GPHN: variants seen among roughly 807,000 people sequenced by gnomAD.
GPHN encodes gephyrin.
GPHN carries 17 observed loss-of-function variants against 95.5 expected under a neutral mutation model. The observed-to-expected ratio is 0.18, with a 90% CI of 0.12 to 0.27. The LOEUF is 0.27. Among genes scored for constraint, GPHN ranks in the 10% least tolerant of loss-of-function variants. The pLI is 1.00. For missense variants in GPHN, 660 were observed against 978.1 expected (o/e 0.67, Z 4.34); for synonymous variants, 320 against 322.5 (o/e 0.99, Z 0.08).
chr14:66,791,277 T>A (rs1566948750), intron 3 of GPHN, among the ~76,000 whole-genome samples: 1 of 152,216 alleles, frequency 6.6e-6, no homozygotes, highest in Non-Finnish European at 1.5e-5. Context: ...ATTGTCCCTT[T>A]GGGGGTTATC....
At chr14:67,444,947 ATGGGGATTCCACCATGT>A in the GPHN span, among the ~76,000 whole-genome samples, 1 of 152,062 alleles carries the variant, frequency 6.6e-6, no homozygotes, top group South Asian at 2.1e-4. Flanking sequence ...TTTAGTAGAG[ATGGGGATTCCACCATGT>A]TGGCCAAGTT....
At chr14:67,312,545 T>G in the GPHN span, 3 of 1,586,186 alleles carry the variant, frequency 1.9e-6, no homozygotes, top group Admixed American at 5.2e-5. Context: ...AAAAGCTCAT[T>G]TTGACTATGA....
chr14:67,637,313 A>C, the GPHN span, among the ~76,000 whole-genome samples: 1 of 148,394 alleles, frequency 6.7e-6, no homozygotes, highest in Non-Finnish European at 1.5e-5. Context: ...GGGGAGGCTG[A>C]GGCAGCAGAG....
chr14:67,600,026 C>G, the GPHN span: 1 of 1,561,760 alleles, frequency 6.4e-7, no homozygotes. Flanking sequence ...GCCATTACCT[C>G]GCAGAGGGTG....
chr14:67,124,903 A>C (rs765587208), intron 17 of GPHN, among the ~76,000 whole-genome samples: 1 of 152,140 alleles, frequency 6.6e-6, no homozygotes, highest in South Asian at 2.1e-4. Flanking sequence ...TGAAAGGCCA[A>C]CATGTTGGTA....
the GPHN span, among the ~76,000 whole-genome samples, chr14:67,462,994 G>C: frequency 6.6e-6 from 1 of 152,316 alleles, no homozygotes; most frequent in Non-Finnish European, 1.5e-5. Flanking sequence ...TGATTTGCCT[G>C]GTTTTGCCAG....
chr14:66,962,368 G>T (rs1319163122), intron 8 of GPHN, among the ~76,000 whole-genome samples: 2 of 149,558 alleles, frequency 1.3e-5, no homozygotes, highest in African/African-American at 2.5e-5. Context: ...GCAAAGATTT[G>T]TTCTAGACTA....
At chr14:66,746,806 A>G (rs1404231933) in intron 2 of GPHN, among the ~76,000 whole-genome samples, 1 of 152,166 alleles carries the variant, frequency 6.6e-6, no homozygotes, top group East Asian at 1.9e-4. Context: ...AAAAAATTCT[A>G]CAGGGTTTGG....
rs985312605 is a variant in GPHN at position 66,696,044 on chromosome 14, G to A, written c.143+14859G>A. On this transcript the variant is annotated intron_variant, in intron 2 of 22. Transcript: ENST00000478722. ...ATGTGTCAGTGGAGGTTTATCAGTG[G>A]TAATAAATGTGCCACTTCGTTGGGG... is the stretch of plus-strand genomic sequence containing the variant. Among the ~76,000 whole-genome samples the A allele has an allele frequency of 3.3e-5, 5 of 152,176 alleles. No homozygotes were observed. The South Asian group carries it at 1.0e-3, about 32-fold the overall frequency.
chr14:66,820,619 A>G (rs1404146058), intron 3 of GPHN, among the ~76,000 whole-genome samples: 1 of 151,954 alleles, frequency 6.6e-6, no homozygotes, highest in Non-Finnish European at 1.5e-5. Context: ...TTTAGTTTGC[A>G]TCTCTGTAGA....
rs147991642 is a variant in GPHN at position 66,794,187 on chromosome 14, A to G, written c.201+17666A>G. On this transcript the variant is annotated intron_variant, in intron 3 of 22. Coordinates refer to ENST00000478722, the MANE Select transcript of GPHN (RefSeq NM_020806.5). ...GGGCCTGGTGGGAGGTGACTGGATC[A>G]TGAGGGCAGCTTCTCATGAATGGTT... 8.9e-3 allele frequency among the ~76,000 whole-genome samples: 1,355 copies of G among 152,274 alleles called. 13 individuals are homozygous for G. Among genetic ancestry groups the G allele is most frequent in the Non-Finnish European group, 0.015 (1,041 of 68,026 alleles).
chr14:67,312,725 G>A, the GPHN span: 3 of 1,542,022 alleles, frequency 1.9e-6, no homozygotes, highest in African/African-American at 2.8e-5. Flanking sequence ...GACACAATAT[G>A]GTAGAAAGTA....
the GPHN span, chr14:67,693,006 C>T: frequency 8.7e-6 from 14 of 1,614,048 alleles, no homozygotes; most frequent in South Asian, 5.5e-5. Context: ...ACTACTTTCC[C>T]AGGAAGCTGA....
the GPHN span, among the ~76,000 whole-genome samples, chr14:67,262,988 C>A: frequency 7.3e-3 from 1,114 of 152,242 alleles, 12 homozygotes; most frequent in African/African-American, 0.024. Context: ...CTTTTAGATA[C>A]ATTTAATCTT....
the GPHN span, among the ~76,000 whole-genome samples, chr14:67,732,445 ATCCTCCTC>A: frequency 7.5e-6 from 1 of 134,206 alleles, no homozygotes; most frequent in Non-Finnish European, 1.6e-5. Flanking sequence ...AAAAAAAAAA[ATCCTCCTC>A]AAACTAGATA....
chr14:66,755,368 T>G (rs1445211422), intron 2 of GPHN, among the ~76,000 whole-genome samples: 1 of 152,134 alleles, frequency 6.6e-6, no homozygotes, highest in East Asian at 1.9e-4. Context: ...GTCACAAATG[T>G]GGCTCTGGGA....
intron 1 of GPHN, among the ~76,000 whole-genome samples, chr14:66,642,530 G>A (rs556740923): frequency 6.6e-6 from 1 of 151,328 alleles, no homozygotes; most frequent in South Asian, 2.1e-4. Flanking sequence ...TTAAGAGTAC[G>A]AGCTCAGCAG....
the GPHN span, chr14:67,312,254 C>A: frequency 4.6e-6 from 1 of 219,128 alleles, no homozygotes; most frequent in Non-Finnish European, 8.9e-6. Context: ...TACTTAACAC[C>A]CTTCTTCCAA....
At chr14:67,066,878 C>T (rs2076079887) in intron 11 of GPHN, among the ~76,000 whole-genome samples, 1 of 152,176 alleles carries the variant, frequency 6.6e-6, no homozygotes, top group African/African-American at 2.4e-5. Context: ...TTAGAACATG[C>T]TCCTTTAGCT....
Sources: allele counts gnomAD v4.1 joint callset (sites outside exome capture counted in the v4.1 genomes callset), GRCh38; gene constraint gnomAD v4.1.1; transcripts MANE v1.5; gene names NCBI Gene and HGNC (gene_info 2026-07-23, HGNC 2026-07-21).